RRAS2: variants seen among roughly 807,000 people sequenced by gnomAD.
RRAS2 encodes the protein RAS related 2.
RRAS2 carries 7 observed loss-of-function variants against 27.6 expected under a neutral mutation model. That is an observed-to-expected ratio of 0.25 (90% CI 0.14 to 0.48). RRAS2 has a LOEUF of 0.48. Among genes scored for constraint, RRAS2 ranks in the 20% least tolerant of loss-of-function variants. RRAS2 has a pLI of 0.99. For missense variants in RRAS2, 178 were observed against 256.2 expected (o/e 0.69, Z 2.08); for synonymous variants, 86 against 90.9 (o/e 0.95, Z 0.31).
chr11:14,287,415 G>C (rs1196729800), intron 4 of RRAS2, among the ~76,000 whole-genome samples: 1 of 152,130 alleles, frequency 6.6e-6, no homozygotes, highest in Non-Finnish European at 1.5e-5. Flanking sequence ...TACTTACTTT[G>C]TTGGGGTAAA....
rs568848506 is a variant in RRAS2, at chr11:14,340,167, C to T, written c.108+18596G>A. 4.2e-5 allele frequency among the ~76,000 whole-genome samples: 6 copies of T among 142,108 alleles called. No individual in the cohort carries two copies. The South Asian group carries it at 1.0e-3, about 24-fold the overall frequency. The allele number at this position is 142,108 out of a possible 152,430, so 93.2% of individuals were successfully genotyped here. The stretch of plus-strand genomic sequence containing the variant: ...AGGCTGGAGTGTAGTGGCGCGACCT[C>T]GGCTCACTGCAACCTTCGCCTCCAA... On this transcript the variant is annotated intron_variant, in intron 1 of 5. Transcript: ENST00000256196.
chr11:14,283,623 G>C (rs782259921), intron 4 of RRAS2, among the ~76,000 whole-genome samples: 3 of 150,992 alleles, frequency 2.0e-5, no homozygotes, highest in Non-Finnish European at 4.4e-5. Context: ...TTTTTCCCTT[G>C]AGTGAATTTT....
chr11:14,293,122 C>CA (rs1847450545), intron 4 of RRAS2, among the ~76,000 whole-genome samples: 1 of 30,524 alleles, frequency 3.3e-5, no homozygotes, highest in African/African-American at 1.2e-4. Context: ...CAAAACAAAA[C>CA]AAATATATAT....
Position 14,358,644 on chromosome 11 carries a change from C to G in RRAS2, c.108+119G>C. 1.0e-6 allele frequency: 1 copy of G among 977,598 alleles called. No individual in the cohort carries two copies. Among genetic ancestry groups the G allele is most frequent in the Non-Finnish European group, 1.2e-6 (1 of 822,136 alleles). 60.6% of individuals were successfully genotyped at this position (977,598 alleles called of 1,614,324 possible). ...GGCCCCGCGCCCTCCCGCCCCCTGG[C>G]CCCGGCCCGGGCCCGCGAGGCGCCT... On this transcript the variant is annotated intron_variant, in intron 1 of 5. Transcript: ENST00000256196. The surrounding 1 kb of genome is among the most constrained non-coding windows in gnomAD (Gnocchi z 5.1).
chr11:14,344,983 C>CTTTTTTTTTTTTTTTTTTTTTTTTTTTTT lies in RRAS2; in HGVS notation c.108+13779_108+13780insAAAAAAAAAAAAAAAAAAAAAAAAAAAAA, dbSNP rs782306600. Among the ~76,000 whole-genome samples the CTTTTTTTTTTTTTTTTTTTTTTTTTTTTT allele has an allele frequency of 8.9e-5, 7 of 78,982 alleles. 3 individuals carry two copies. The highest frequency in any genetic ancestry group is 9.6e-5 in the African/African-American group (2 of 20,740). 51.8% of individuals were successfully genotyped at this position (78,982 alleles called of 152,430 possible). A position where few individuals can be genotyped will look rare whatever the true frequency, so the allele number is the denominator to read the frequency against. On this transcript the variant is annotated intron_variant, in intron 1 of 5. Coordinates refer to ENST00000256196, the MANE Select transcript of RRAS2 (RefSeq NM_012250.6). ...TTTATTTCCTGTGCCCTACTCAAGA[C>CTTTTTTTTTTTTTTTTTTTTTTTTTTTTT]TTTATTTTTTTTTTTTTTTTTTTTG...
chr11:14,351,516 C>T (rs1039325908), intron 1 of RRAS2, among the ~76,000 whole-genome samples: 16 of 152,064 alleles, frequency 1.1e-4, no homozygotes, highest in Non-Finnish European at 2.9e-5. Flanking sequence ...CACATAAGGT[C>T]AGGAGTTCAA....
At chr11:14,314,729 G>A (rs782468043) in intron 1 of RRAS2, among the ~76,000 whole-genome samples, 6 of 152,038 alleles carry the variant, frequency 3.9e-5, no homozygotes, top group Admixed American at 3.3e-4. Context: ...TCACTCTGTC[G>A]CCCATGCTGG....
chr11:14,332,390 A>G (rs1484187815), intron 1 of RRAS2, among the ~76,000 whole-genome samples: 1 of 152,148 alleles, frequency 6.6e-6, no homozygotes, highest in Non-Finnish European at 1.5e-5. Context: ...AGTCCCAGCT[A>G]CTTGGGAGGC....
intron 1 of RRAS2, among the ~76,000 whole-genome samples, chr11:14,323,673 G>A (rs1554950612): frequency 6.6e-6 from 1 of 151,996 alleles, no homozygotes; most frequent in Non-Finnish European, 1.5e-5. Context: ...CACCCCCCAA[G>A]TCATTTTATG....
chr11:14,358,131 A>G lies in RRAS2; in HGVS notation c.108+632T>C. The G allele has an allele frequency of 1.3e-6, 1 of 752,092 alleles. No homozygotes were observed. The highest frequency in any genetic ancestry group is 1.6e-6 in the Non-Finnish European group (1 of 616,858). 46.6% of individuals were successfully genotyped at this position (752,092 alleles called of 1,614,324 possible). A position where few individuals can be genotyped will look rare whatever the true frequency, so the allele number is the denominator to read the frequency against. ...AGGAAATGGTCTCACCCCATCAGAG[A>G]ACATTTTTAACTTCCTAGAAGCCAC... On this transcript the variant is annotated intron_variant, in intron 1 of 5. Coordinates refer to ENST00000256196, the MANE Select transcript of RRAS2 (RefSeq NM_012250.6). This position sits in a 1 kb window ranked among gnomAD's most constrained non-coding sequence, Gnocchi z 5.1.
chr11:14,341,170 G>T (rs1848696957), intron 1 of RRAS2, among the ~76,000 whole-genome samples: 1 of 152,202 alleles, frequency 6.6e-6, no homozygotes, highest in Non-Finnish European at 1.5e-5. Context: ...CGGTCCAAAA[G>T]TAATCCATTT....
intron 1 of RRAS2, among the ~76,000 whole-genome samples, chr11:14,324,887 G>A (rs1356240172): frequency 6.6e-6 from 1 of 152,128 alleles, no homozygotes; most frequent in Non-Finnish European, 1.5e-5. Context: ...CAGATCATAG[G>A]GGAAGCATAG....
rs782647300 is a variant in RRAS2, at chr11:14,358,731, T to A, written c.108+32A>T. 1.2e-5 allele frequency: 15 copies of A among 1,258,036 alleles called. No homozygotes were observed. Among genetic ancestry groups the A allele is most frequent in the African/African-American group, 1.6e-5 (1 of 64,094 alleles). 77.9% of individuals were successfully genotyped at this position (1,258,036 alleles called of 1,614,324 possible). A position where few individuals can be genotyped will look rare whatever the true frequency, so the allele number is the denominator to read the frequency against. ...AGCGCCAGCCCCCGCCCGCCGCCGCTCCGGCGCCCCGGGCAGGCCCGCTCC... is the reference window on the plus strand; with the variant it reads ...AGCGCCAGCCCCCGCCCGCCGCCGCACCGGCGCCCCGGGCAGGCCCGCTCC... On this transcript the variant is annotated intron_variant, in intron 1 of 5. Transcript: ENST00000256196. This position sits in a 1 kb window ranked among gnomAD's most constrained non-coding sequence, Gnocchi z 5.1.
chr11:14,306,981 A>T (rs1847845406), intron 1 of RRAS2, among the ~76,000 whole-genome samples: 1 of 151,926 alleles, frequency 6.6e-6, no homozygotes, highest in Non-Finnish European at 1.5e-5. Context: ...ACTTGAGGTC[A>T]GGAGTTCAAG....
At chr11:14,344,275 G>A (rs1056078268) in intron 1 of RRAS2, among the ~76,000 whole-genome samples, 3 of 151,988 alleles carry the variant, frequency 2.0e-5, no homozygotes, top group Non-Finnish European at 4.4e-5. Context: ...TCTGCAACTC[G>A]TCATTAAATT....
intron 1 of RRAS2, among the ~76,000 whole-genome samples, chr11:14,349,316 TAA>T (rs1554954483): frequency 1.3e-5 from 2 of 149,132 alleles, no homozygotes; most frequent in Non-Finnish European, 3.0e-5. Context: ...CACACCCGGC[TAA>T]TTTTTTTTTT....
Position 14,352,586 on chromosome 11 carries a change from A to G in RRAS2, c.108+6177T>C, listed in dbSNP as rs185990074. 3.5e-3 allele frequency among the ~76,000 whole-genome samples: 534 copies of G among 152,218 alleles called. 3 individuals are homozygous for G. The highest frequency in any genetic ancestry group is 5.4e-3 in the Non-Finnish European group (367 of 68,014). Reference sequence around the variant, plus strand: ...CCATACTGTCTACACGCAAAGTGAAAATCCTTTACTCATTATCACTTTTCA... The same window carrying G: ...CCATACTGTCTACACGCAAAGTGAAGATCCTTTACTCATTATCACTTTTCA... On this transcript the variant is annotated intron_variant, in intron 1 of 5. Transcript: ENST00000256196.
intron 1 of RRAS2, among the ~76,000 whole-genome samples, chr11:14,336,768 A>G (rs1291650200): frequency 6.6e-6 from 1 of 152,226 alleles, no homozygotes; most frequent in East Asian, 1.9e-4. Context: ...TCTAACTTCC[A>G]TGTTATCAGA....
At chr11:14,321,890 G>A (rs558635109) in intron 1 of RRAS2, among the ~76,000 whole-genome samples, 21 of 152,034 alleles carry the variant, frequency 1.4e-4, no homozygotes, top group South Asian at 4.2e-4. Context: ...ATAATTCCTC[G>A]TACTGTAATC....
Sources: gnomAD v4.1 joint callset for allele counts (sites outside exome capture counted in the v4.1 genomes callset) on GRCh38, gnomAD v4.1.1 for gene constraint, Gnocchi (gnomAD v3.1) non-coding constraint, MANE v1.5 for transcripts, NCBI Gene and HGNC (gene_info 2026-07-23, HGNC 2026-07-21) for gene names.